Variants in QPRT observed in about 807,000 individuals in gnomAD.
QPRT encodes quinolinate phosphoribosyltransferase, also known as nicotinate-nucleotide pyrophosphorylase [carboxylating].
In QPRT, 17 loss-of-function variants were observed where a neutral mutation model predicts 19.8. The observed-to-expected ratio is 0.86, with a 90% CI of 0.59 to 1.29. The LOEUF (loss-of-function observed/expected upper bound fraction) is 1.29, where lower values mean the gene tolerates loss of function less well. Among genes scored for constraint, QPRT ranks in the 50% most tolerant of loss-of-function variants. The probability of loss-of-function intolerance (pLI) is 0.00; values close to 1 mark genes in which losing one functional copy is unlikely to be tolerated. For missense variants in QPRT, 336 were observed against 405.1 expected, an observed-to-expected ratio of 0.83 and a Z score of 1.46; for synonymous variants, 178 against 191.0, an observed-to-expected ratio of 0.93 and a Z score of 0.56.
In QPRT at chr16:29,686,156, G is replaced by A. The variant is rs1003306358; in HGVS notation, c.13+6946G>A. 3.3e-5 allele frequency among the ~76,000 whole-genome samples: 5 copies of A among 152,056 alleles called. No individual in the cohort carries two copies. The East Asian group carries it at 5.8e-4, about 18-fold the overall frequency. ...ATTACAGGTGTGAGCCACTGTGTCCGGCCAATAAAATGAAATTTTATGATG... is the reference window on the plus strand; with the variant it reads ...ATTACAGGTGTGAGCCACTGTGTCCAGCCAATAAAATGAAATTTTATGATG... On this transcript the variant is annotated intron_variant, in intron 1 of 3. Coordinates refer to ENST00000395384, the MANE Select transcript of QPRT (RefSeq NM_014298.6).
At position 29,697,485 on chromosome 16, in the gene QPRT, T is replaced by C; in HGVS notation, c.*74T>C. 6.9e-7 allele frequency: 1 copy of C among 1,457,706 alleles called. No individual in the cohort carries two copies. The highest frequency in any genetic ancestry group is 9.3e-7 in the Non-Finnish European group (1 of 1,075,592). The allele number at this position is 1,457,706 out of a possible 1,614,324, so 90.3% of individuals were successfully genotyped here. ...CAGGACCCTCTGGGTCACACATCTT[T>C]AGGGTCAGTGGCCAATGGGGCACAT... On this transcript the variant is annotated 3_prime_UTR_variant, in exon 4 of 4. Coordinates refer to ENST00000395384, the MANE Select transcript of QPRT (RefSeq NM_014298.6). This position sits in a 1 kb window ranked among gnomAD's most constrained non-coding sequence, Gnocchi z 4.4.
Position 29,697,759 on chromosome 16 carries a change from GA to G in QPRT, c.*350del. On this transcript the variant is annotated 3_prime_UTR_variant, in exon 4 of 4. Transcript: ENST00000395384. The surrounding 1 kb of genome is among the most constrained non-coding windows in gnomAD (Gnocchi z 4.4). ...CCAGCACTTTGGGAGGCTGAGGCGG[GA>G]AGATCACTTGAGTTCAGGAGTTTGA... 1 of 204,348 alleles carries G rather than the reference GA, an allele frequency of 4.9e-6. No homozygotes were observed. Among genetic ancestry groups the G allele is most frequent in the Non-Finnish European group, 9.8e-6 (1 of 102,220 alleles). 12.7% of individuals were successfully genotyped at this position (204,348 alleles called of 1,614,324 possible).
chr16:29,679,221 A>C lies in QPRT; in HGVS notation c.13+11A>C. On this transcript the variant is annotated intron_variant, in intron 1 of 3. Transcript: ENST00000395384. ...CCATGGACGCTGAAGGTAAAGGGAC[A>C]CTCTCTCTGCCATGTCCCTGCACCC... The C allele has an allele frequency of 6.2e-7, 1 of 1,601,598 alleles. No homozygotes were observed. The highest frequency in any genetic ancestry group is 8.5e-7 in the Non-Finnish European group (1 of 1,169,730).
At position 29,697,797 on chromosome 16, in the gene QPRT, C is replaced by A. The variant is rs1967595288; in HGVS notation, c.*386C>A. 1 of 169,254 alleles carries A rather than the reference C, an allele frequency of 5.9e-6. No homozygotes were observed. Among genetic ancestry groups the A allele is most frequent in the Non-Finnish European group, 1.3e-5 (1 of 79,674 alleles). The allele number at this position is 169,254 out of a possible 1,614,324, so 10.5% of individuals were successfully genotyped here. ...GTTCAGGAGTTTGAGACCAGCCTGG[C>A]CAACATGGTGAAACCCCATCTCTAC... On this transcript the variant is annotated 3_prime_UTR_variant, in exon 4 of 4. Coordinates refer to ENST00000395384, the MANE Select transcript of QPRT (RefSeq NM_014298.6). This position sits in a 1 kb window ranked among gnomAD's most constrained non-coding sequence, Gnocchi z 4.4.
intron 1 of QPRT, among the ~76,000 whole-genome samples, chr16:29,691,981 A>G (rs1481090129): frequency 1.3e-5 from 2 of 152,268 alleles, no homozygotes; most frequent in Admixed American, 1.3e-4. Context: ...CTTCACTTCC[A>G]CTTGGAACAG....
intron 1 of QPRT, among the ~76,000 whole-genome samples, chr16:29,682,550 T>A (rs976457660): frequency 6.8e-6 from 1 of 146,590 alleles, no homozygotes; most frequent in Non-Finnish European, 1.5e-5. Context: ...TTTTTTTGCA[T>A]TTTTTTTTTT....
chr16:29,680,185 C>T (rs958838234), intron 1 of QPRT, among the ~76,000 whole-genome samples: 37 of 151,932 alleles, frequency 2.4e-4, no homozygotes, highest in Admixed American at 2.2e-3. Context: ...TCTCATTTCC[C>T]AACCTCGTGA....
At chr16:29,689,695 C>T (rs1045077192) in intron 1 of QPRT, among the ~76,000 whole-genome samples, 2 of 152,146 alleles carry the variant, frequency 1.3e-5, no homozygotes, top group African/African-American at 2.4e-5. Context: ...AGTTAAAATT[C>T]GACCCCTGAC....
intron 1 of QPRT, 23 bp downstream of exon 1, chr16:29,679,233 A>T: frequency 6.3e-7 from 1 of 1,576,882 alleles, no homozygotes; most frequent in Non-Finnish European, 8.7e-7. Flanking sequence ...TCTCTCTGCC[A>T]TGTCCCTGCA....
chr16:29,680,010 T>G (rs1966947340), intron 1 of QPRT, among the ~76,000 whole-genome samples: 1 of 148,302 alleles, frequency 6.7e-6, no homozygotes, highest in Non-Finnish European at 1.5e-5. Flanking sequence ...CAGGCTGGAG[T>G]GCAGTGGCGT....
At chr16:29,690,089 C>T (rs1967281412) in intron 1 of QPRT, among the ~76,000 whole-genome samples, 2 of 152,136 alleles carry the variant, frequency 1.3e-5, no homozygotes, top group Non-Finnish European at 2.9e-5. Flanking sequence ...CATGTGTTCT[C>T]ATCATTTAGC....
chr16:29,684,639 G>A (rs769280255), intron 1 of QPRT, among the ~76,000 whole-genome samples: 4 of 152,178 alleles, frequency 2.6e-5, no homozygotes, highest in South Asian at 2.1e-4. Context: ...GAGCCACCGC[G>A]CCTGGCCACG....
chr16:29,695,539 G>C (rs1465868204), intron 2 of QPRT, among the ~76,000 whole-genome samples: 1 of 147,338 alleles, frequency 6.8e-6, no homozygotes, highest in East Asian at 2.0e-4. Context: ...ACCCAGGCTG[G>C]AGTGAAGTGA....
intron 1 of QPRT, among the ~76,000 whole-genome samples, chr16:29,692,351 C>T (rs1026362852): frequency 1.1e-4 from 16 of 151,780 alleles, no homozygotes; most frequent in Non-Finnish European, 1.9e-4. Context: ...GAGGCCGAGG[C>T]GGGCGGATCA....
chr16:29,697,313 G>A lies in QPRT; in HGVS notation c.796G>A (p.Val266Ile), dbSNP rs756126356. The A allele has an allele frequency of 2.9e-5, 46 of 1,614,030 alleles. No individual in the cohort carries two copies. The highest frequency in any genetic ancestry group is 3.2e-5 in the Non-Finnish European group (38 of 1,180,012). The change falls in exon 4 of 4, where the codon GTC becomes ATC. Residue 266 changes from valine (V) to isoleucine (I), a missense_variant. Coordinates refer to ENST00000395384, the MANE Select transcript of QPRT (RefSeq NM_014298.6). This position sits in a 1 kb window ranked among gnomAD's most constrained non-coding sequence, Gnocchi z 4.4. The part of the protein sequence containing the change: ...LPQFCGPHID[V>I]ISMGMLTQAA... ...CCAGTTCTGCGGGCCGCACATAGAC[G>A]TCATCTCCATGGGGATGCTGACCCA...
intron 1 of QPRT, 115 bp from the exon 2 acceptor site, chr16:29,694,549 G>A (rs998112508): frequency 8.0e-6 from 9 of 1,128,798 alleles, no homozygotes; most frequent in Non-Finnish European, 9.6e-6. Context: ...GGGACCCCTA[G>A]ATCTTGAGGC....
At chr16:29,694,528 G>T in intron 1 of QPRT, 136 bp from the exon 2 acceptor site, 1 of 562,446 alleles carries the variant, frequency 1.8e-6, no homozygotes, top group South Asian at 4.0e-5. Flanking sequence ...CCTCACCGCA[G>T]TCCCCCCCCT....
intron 1 of QPRT, among the ~76,000 whole-genome samples, chr16:29,680,270 T>C (rs551600261): frequency 6.6e-6 from 1 of 152,150 alleles, no homozygotes; most frequent in African/African-American, 2.4e-5. Context: ...AAGATAATCT[T>C]TAACTTATTG....
chr16:29,685,769 G>A (rs886094757), intron 1 of QPRT, among the ~76,000 whole-genome samples: 1 of 152,154 alleles, frequency 6.6e-6, no homozygotes, highest in Non-Finnish European at 1.5e-5. Flanking sequence ...GGAGGCCGAG[G>A]TGGGAGGACT....
Sources: allele counts gnomAD v4.1 joint callset (sites outside exome capture counted in the v4.1 genomes callset), GRCh38; gene constraint gnomAD v4.1.1; non-coding constraint Gnocchi (gnomAD v3.1); transcripts MANE v1.5; gene names NCBI Gene and HGNC (gene_info 2026-07-23, HGNC 2026-07-21).